CNTLN: variants seen among roughly 807,000 people sequenced by gnomAD.
CNTLN encodes the protein centlein, centrosomal protein.
A neutral mutation model predicts 180.0 loss-of-function variants in CNTLN; 212 were observed. The ratio of observed to expected loss-of-function variants is 1.18; its 90% CI spans 1.05 to 1.32. The LOEUF (loss-of-function observed/expected upper bound fraction) is 1.32. Ranked by LOEUF, CNTLN falls within the 40% of genes most tolerant of loss-of-function variation. CNTLN has a pLI of 0.00. For missense variants in CNTLN, 2,095 were observed against 1,610.9 expected, an observed-to-expected ratio of 1.30 and a Z score of -5.14; for synonymous variants, 722 against 563.1, an observed-to-expected ratio of 1.28 and a Z score of -3.99.
chr9:17,481,588 T>C (rs111781581), intron 23 of CNTLN, among the ~76,000 whole-genome samples: 1 of 152,152 alleles, frequency 6.6e-6, no homozygotes, highest in African/African-American at 2.4e-5. Flanking sequence ...CAGCCCAATG[T>C]GCAGCCCTGC....
chr9:17,325,243 G>T lies in CNTLN; in HGVS notation c.1342-5389G>T, dbSNP rs149172472. 5.0e-3 allele frequency among the ~76,000 whole-genome samples: 742 copies of T among 149,186 alleles called. 4 individuals are homozygous for T. Among genetic ancestry groups the T allele is most frequent in the African/African-American group, 0.017 (688 of 40,896 alleles). On this transcript the variant is annotated intron_variant, in intron 8 of 25. Transcript: ENST00000380647. ...AGTCATTTATTTTCAGGATATAGAT[G>T]ATTCAGCTAACAATGTTTACTTTAT...
Position 17,309,071 on chromosome 9 carries a change from T to A in CNTLN, c.1160T>A (p.Leu387Ter), listed in dbSNP as rs1316757954. The change falls in exon 8 of 26, where the codon TTA becomes TAA. Residue 387 changes from leucine to a stop codon, truncating the protein, a stop_gained. Transcript: ENST00000380647. LOFTEE classifies it high-confidence loss of function. ...SISYQKLYNE[L>*]HICFETTKSN... ...TTTTTGAAACAGCTTTACAATGAGT[T>A]ACATATTTGTTTTGAAACCACAAAA... 1.3e-6 allele frequency: 2 copies of A among 1,585,238 alleles called. No homozygotes were observed. Among genetic ancestry groups the A allele is most frequent in the Non-Finnish European group, 8.5e-7 (1 of 1,171,048 alleles).
the CNTLN span, among the ~76,000 whole-genome samples, chr9:17,511,281 C>A: frequency 1.3e-5 from 2 of 152,136 alleles, no homozygotes; most frequent in African/African-American, 2.4e-5. Context: ...CACCTCCCAG[C>A]AATTATCATG....
intron 5 of CNTLN, among the ~76,000 whole-genome samples, chr9:17,238,567 C>G (rs777394827): frequency 5.9e-5 from 9 of 152,182 alleles, no homozygotes; most frequent in Admixed American, 2.0e-4. Context: ...GTTTATTTTA[C>G]CACAGAATCA....
intron 7 of CNTLN, chr9:17,300,719 G>C (rs1288135685): frequency 6.6e-6 from 1 of 152,578 alleles, no homozygotes; most frequent in Non-Finnish European, 1.5e-5. Flanking sequence ...AAAAACCTAA[G>C]TTCTTACTAC....
chr9:17,163,832 A>T (rs544273057), intron 2 of CNTLN, among the ~76,000 whole-genome samples: 1 of 152,260 alleles, frequency 6.6e-6, no homozygotes, highest in East Asian at 1.9e-4. Flanking sequence ...GTTCAAGACC[A>T]GCCTGGCCAA....
At chr9:17,224,333 G>T (rs1338923835) in intron 2 of CNTLN, among the ~76,000 whole-genome samples, 8 of 152,014 alleles carry the variant, frequency 5.3e-5, no homozygotes, top group African/African-American at 1.9e-4. Flanking sequence ...ATACTTGAAT[G>T]AGTGATGGAT....
intron 2 of CNTLN, among the ~76,000 whole-genome samples, chr9:17,162,534 C>G (rs976765124): frequency 2.6e-5 from 4 of 152,196 alleles, no homozygotes; most frequent in Non-Finnish European, 5.9e-5. Context: ...ATACACTAAG[C>G]TTTGTTGGTA....
chr9:17,334,550 A>G (rs1820873863), intron 10 of CNTLN, among the ~76,000 whole-genome samples: 1 of 152,200 alleles, frequency 6.6e-6, no homozygotes, highest in African/African-American at 2.4e-5. Context: ...GCTCAGAAGT[A>G]TAAGATCTGT....
At chr9:17,486,059 A>G (rs1832874190) in intron 24 of CNTLN, among the ~76,000 whole-genome samples, 1 of 152,164 alleles carries the variant, frequency 6.6e-6, no homozygotes, top group Non-Finnish European at 1.5e-5. Context: ...AATAAGAGAT[A>G]TAAACACACT....
intron 5 of CNTLN, among the ~76,000 whole-genome samples, chr9:17,258,045 C>T (rs1826645880): frequency 6.6e-6 from 1 of 150,810 alleles, no homozygotes; most frequent in South Asian, 2.1e-4. Flanking sequence ...GACATGAAGT[C>T]CTTGCCCATG....
chr9:17,205,274 A>T (rs955206593), intron 2 of CNTLN, among the ~76,000 whole-genome samples: 29 of 152,192 alleles, frequency 1.9e-4, no homozygotes, highest in African/African-American at 7.0e-4. Context: ...GCTTTATCCC[A>T]TGTAAATGGC....
intron 5 of CNTLN, among the ~76,000 whole-genome samples, chr9:17,252,623 T>C (rs1000011270): frequency 1.3e-5 from 2 of 151,788 alleles, no homozygotes; most frequent in African/African-American, 4.8e-5. Context: ...CCTTGTCGAT[T>C]CTAGTTACTA....
At chr9:17,270,947 CTTTTTTTT>C (rs78896738) in intron 5 of CNTLN, among the ~76,000 whole-genome samples, 2 of 122,156 alleles carry the variant, frequency 1.6e-5, no homozygotes, top group East Asian at 2.6e-4. Context: ...GAGAGGAGTT[CTTTTTTTT>C]TTTTTTTTTT....
intron 2 of CNTLN, among the ~76,000 whole-genome samples, chr9:17,144,056 A>C (rs138592218): frequency 6.6e-6 from 1 of 152,210 alleles, no homozygotes; most frequent in South Asian, 2.1e-4. Flanking sequence ...GAAGCTAAGC[A>C]TATGGATACC....
intron 8 of CNTLN, among the ~76,000 whole-genome samples, chr9:17,315,679 TTC>T (rs1819493138): frequency 6.6e-6 from 1 of 152,046 alleles, no homozygotes; most frequent in Non-Finnish European, 1.5e-5. Context: ...AAAGATTTTT[TTC>T]TGTTTGCTTG....
chr9:17,428,342 T>C (rs965750977), intron 18 of CNTLN, among the ~76,000 whole-genome samples: 2 of 152,200 alleles, frequency 1.3e-5, no homozygotes, highest in Non-Finnish European at 2.9e-5. Flanking sequence ...GCTTACTACG[T>C]ACAGGGCATC....
chr9:17,340,272 C>G (rs1238624276), intron 10 of CNTLN, among the ~76,000 whole-genome samples: 1 of 152,106 alleles, frequency 6.6e-6, no homozygotes, highest in Non-Finnish European at 1.5e-5. Flanking sequence ...CCTAGCTTTC[C>G]CATTCCAGTT....
chr9:17,491,222 A>G (rs1039023719), intron 25 of CNTLN, among the ~76,000 whole-genome samples: 3 of 152,096 alleles, frequency 2.0e-5, no homozygotes, highest in Admixed American at 6.6e-5. Flanking sequence ...GTGCTCGGGA[A>G]TCATTAAAAA....
Sources: allele counts gnomAD v4.1 joint callset (sites outside exome capture counted in the v4.1 genomes callset), GRCh38; gene constraint gnomAD v4.1.1; transcripts MANE v1.5; gene names NCBI Gene and HGNC (gene_info 2026-07-23, HGNC 2026-07-21).